The following COBLL1 variants were observed in gnomAD, a reference collection of about 807,000 sequenced individuals.
COBLL1 encodes cordon-bleu WH2 repeat protein like 1.
In COBLL1, 50 loss-of-function variants were observed where a neutral mutation model predicts 94.8. That is an observed-to-expected ratio of 0.53 (90% confidence interval 0.42 to 0.67). The LOEUF is 0.67. Ranked by LOEUF, COBLL1 falls within the 30% of genes least tolerant of loss-of-function variation. The pLI is 0.00. For missense variants in COBLL1, 1,362 were observed against 1,348.7 expected, an observed-to-expected ratio of 1.01 and a Z score of -0.15; for synonymous variants, 448 against 473.8, an observed-to-expected ratio of 0.95 and a Z score of 0.71.
intron 7 of COBLL1, 50 bp downstream of exon 7, chr2:164,722,025 T>C: frequency 7.3e-7 from 1 of 1,366,626 alleles, no homozygotes; most frequent in Non-Finnish European, 1.0e-6. Flanking sequence ...GAAAAATAAA[T>C]GGTACACTGC....
In COBLL1 at chr2:164,827,164, G is replaced by T. The variant is rs369136622; in HGVS notation, c.41+13992C>A. Among the ~76,000 whole-genome samples, 3 of 152,126 alleles carry T rather than the reference G, an allele frequency of 2.0e-5. No individual in the cohort carries two copies. The East Asian group carries it at 5.8e-4, about 29-fold the overall frequency. ...GGGATTCCCCATGCTGGCCAGGCTGGTCTCGAACTCCTGAACTCAAGTGAT... is the reference window on the plus strand; with the variant it reads ...GGGATTCCCCATGCTGGCCAGGCTGTTCTCGAACTCCTGAACTCAAGTGAT... On this transcript the variant is annotated intron_variant, in intron 2 of 13. Transcript: ENST00000652658.
chr2:164,760,698 T>C (rs987723782), intron 2 of COBLL1, among the ~76,000 whole-genome samples: 1 of 152,176 alleles, frequency 6.6e-6, no homozygotes, highest in Non-Finnish European at 1.5e-5. Context: ...AGAGAAACTT[T>C]CTGCACTATT....
chr2:164,751,343 C>G (rs1687114609), intron 2 of COBLL1, among the ~76,000 whole-genome samples: 1 of 152,044 alleles, frequency 6.6e-6, no homozygotes, highest in Non-Finnish European at 1.5e-5. Flanking sequence ...CTGCTGGCAC[C>G]TAGAACTATA....
At chr2:164,796,357 G>C (rs549932047) in intron 2 of COBLL1, among the ~76,000 whole-genome samples, 23 of 152,154 alleles carry the variant, frequency 1.5e-4, no homozygotes, top group South Asian at 1.0e-3. Flanking sequence ...ACATAACTAA[G>C]ATGAAAATGA....
chr2:164,683,559 T>A lies in COBLL1; in HGVS notation c.*2387A>T, dbSNP rs947996261. ...AATTTAGAATATAATAAGCACTTGT[T>A]TTCAAACAGCAGTTTATAAAATACT... On this transcript the variant is annotated 3_prime_UTR_variant, in exon 14 of 14. Transcript: ENST00000652658. The A allele has an allele frequency of 2.0e-5, 3 of 152,166 alleles. No homozygotes were observed. 9.4% of individuals were successfully genotyped at this position (152,166 alleles called of 1,614,324 possible).
chr2:164,680,005 T>G (rs1036964216), downstream of COBLL1, among the ~76,000 whole-genome samples: 1 of 151,914 alleles, frequency 6.6e-6, no homozygotes, highest in Non-Finnish European at 1.5e-5. Context: ...TGTTTTTTAG[T>G]TAAAACTGAA....
chr2:164,818,572 A>C (rs9679744), intron 2 of COBLL1, among the ~76,000 whole-genome samples: 1 of 147,660 alleles, frequency 6.8e-6, no homozygotes, highest in Non-Finnish European at 1.5e-5. Flanking sequence ...CATATATAGC[A>C]TATATGTACA....
intron 2 of COBLL1, among the ~76,000 whole-genome samples, chr2:164,763,658 A>T (rs1687799028): frequency 6.6e-6 from 1 of 152,262 alleles, no homozygotes; most frequent in African/African-American, 2.4e-5. Flanking sequence ...AATGAAAAAG[A>T]TCGCACACAT....
chr2:164,665,365 A>T (rs540092993), intron 2 of COBLL1, among the ~76,000 whole-genome samples: 26 of 151,260 alleles, frequency 1.7e-4, no homozygotes, highest in Admixed American at 4.6e-4. Flanking sequence ...AAAGAAAGAA[A>T]GAATGAATAG....
Position 164,697,071 on chromosome 2 carries a change from G to GA in COBLL1, c.1556-1236dup, listed in dbSNP as rs564178725. 2.0e-4 allele frequency: 30 copies of GA among 151,916 alleles called. No homozygotes were observed. In the South Asian group the frequency reaches 2.1e-3, roughly 11 times the overall value. 9.4% of individuals were successfully genotyped at this position (151,916 alleles called of 1,614,324 possible). A position where few individuals can be genotyped will look rare whatever the true frequency, so the allele number is the denominator to read the frequency against. The stretch of plus-strand genomic sequence containing the variant: ...AGTTTCTCTCTTAAAAAAAGAAAAA[G>GA]AAAAAAGATATGCATGCAGAAAAAT... On this transcript the variant is annotated intron_variant, in intron 11 of 13. Transcript: ENST00000652658.
intron 10 of COBLL1, 67 bp from the exon 11 acceptor site, chr2:164,699,566 GAC>G (rs372370676): frequency 3.6e-3 from 2,790 of 780,862 alleles, no homozygotes; most frequent in Non-Finnish European, 3.9e-3. Flanking sequence ...CACACACACA[GAC>G]ACACACACAC....
intron 3 of COBLL1, among the ~76,000 whole-genome samples, chr2:164,732,424 C>G (rs1288322026): frequency 1.3e-5 from 2 of 152,112 alleles, no homozygotes; most frequent in Non-Finnish European, 2.9e-5. Context: ...TAATATGGTA[C>G]TCTACAAGAG....
chr2:164,704,550 T>C (rs759270079), intron 8 of COBLL1, 32 bp from the exon 9 acceptor site: 2 of 1,507,838 alleles, frequency 1.3e-6, no homozygotes, highest in South Asian at 1.1e-5. Flanking sequence ...ACTTATAAAG[T>C]CATATTCACA....
intron 2 of COBLL1, among the ~76,000 whole-genome samples, chr2:164,776,650 A>G (rs1688478076): frequency 2.0e-5 from 3 of 152,034 alleles, no homozygotes; most frequent in Admixed American, 2.0e-4. Context: ...AACTCTGAGA[A>G]GAGACACCTT....
At chr2:164,774,632 A>G (rs937981630) in intron 2 of COBLL1, among the ~76,000 whole-genome samples, 3 of 152,200 alleles carry the variant, frequency 2.0e-5, no homozygotes, top group African/African-American at 7.2e-5. Flanking sequence ...AGCTCAAAAT[A>G]TCACAAGAAC....
chr2:164,750,976 A>C (rs1205131940), intron 2 of COBLL1, among the ~76,000 whole-genome samples: 1 of 152,122 alleles, frequency 6.6e-6, no homozygotes, highest in Non-Finnish European at 1.5e-5. Flanking sequence ...GCCCCATGTA[A>C]TTCACACTGG....
chr2:164,685,977 G>C lies in COBLL1; in HGVS notation c.3356C>G (p.Ser1119Cys). 6.2e-7 allele frequency: 1 copy of C among 1,610,308 alleles called. No homozygotes were observed. The highest frequency in any genetic ancestry group is 8.5e-7 in the Non-Finnish European group (1 of 1,177,354). The change falls in exon 14 of 14, where the codon TCC (serine) becomes TGC (cysteine). Residue 1119 changes from serine (S) to cysteine (C), a missense_variant. Physicochemically the swap from Ser to Cys is moderately radical, Grantham distance 112. Transcript: ENST00000652658. ...SVNGRSRLSH[S>C]MSPDAQDGH is the part of the protein sequence containing the mutation. ...GCCGTCCTGGGCATCAGGGGACATGGAATGGCTGAGTCTTGACCTTCCATT... is the reference window on the plus strand; with the variant it reads ...GCCGTCCTGGGCATCAGGGGACATGCAATGGCTGAGTCTTGACCTTCCATT...
chr2:164,807,727 T>C (rs933638974), intron 2 of COBLL1, among the ~76,000 whole-genome samples: 3 of 152,236 alleles, frequency 2.0e-5, no homozygotes, highest in Non-Finnish European at 2.9e-5. Flanking sequence ...ATTATTCTCC[T>C]ATTAGCTTAT....
In COBLL1 at chr2:164,722,320, G is replaced by T; in HGVS notation, c.760-9C>A. Reference sequence around the variant, plus strand: ...GCAGGGGCACTTGCAGTCTAGTAAAGAATGACAAAGACAAAATCTAGTAAT... The same window carrying T: ...GCAGGGGCACTTGCAGTCTAGTAAATAATGACAAAGACAAAATCTAGTAAT... On this transcript the variant is annotated splice_polypyrimidine_tract_variant and intron_variant, in intron 6 of 13. Transcript: ENST00000652658. 1 of 1,602,044 alleles carries T rather than the reference G, an allele frequency of 6.2e-7. No individual in the cohort carries two copies. Among genetic ancestry groups the T allele is most frequent in the South Asian group, 1.1e-5 (1 of 89,990 alleles).
Sources: allele counts gnomAD v4.1 joint callset (sites outside exome capture counted in the v4.1 genomes callset), GRCh38; gene constraint gnomAD v4.1.1; transcripts MANE v1.5; gene names NCBI Gene and HGNC (gene_info 2026-07-23, HGNC 2026-07-21).